The following RARB variants were observed in gnomAD, a reference collection of about 807,000 sequenced individuals.
RARB encodes HBV-activated protein.
In RARB, 17 loss-of-function variants were observed where a neutral mutation model predicts 51.9. The observed-to-expected ratio is 0.33, with a 90% CI of 0.22 to 0.49. The LOEUF (loss-of-function observed/expected upper bound fraction) is 0.49. RARB is among the 20% of genes least tolerant of loss of function. The pLI is 0.99. For synonymous variants in RARB, 215 were observed against 195.4 expected (o/e 1.10, Z -0.84); for missense variants, 369 against 550.8 (o/e 0.67, Z 3.30).
chr3:24,853,425 C>T (rs1367283454), intron 1 of RARB, among the ~76,000 whole-genome samples: 4 of 152,154 alleles, frequency 2.6e-5, no homozygotes, highest in South Asian at 2.1e-4. Flanking sequence ...ATACTTTTTA[C>T]GGCTATCTAA....
intron 2 of RARB, among the ~76,000 whole-genome samples, chr3:24,892,021 C>T (rs1390826212): frequency 6.6e-6 from 1 of 151,994 alleles, no homozygotes; most frequent in Admixed American, 6.5e-5. Context: ...GTCCCGTGCC[C>T]ACCCACAGCC....
At chr3:24,933,159 AC>A (rs1306705021) in intron 2 of RARB, among the ~76,000 whole-genome samples, 1 of 152,124 alleles carries the variant, frequency 6.6e-6, no homozygotes, top group Non-Finnish European at 1.5e-5. Flanking sequence ...TTTTAAAAAA[AC>A]AATAAAAATA....
Position 25,016,619 on chromosome 3 carries a change from C to G in RARB, c.-379-43506C>G, listed in dbSNP as rs1047845583. ...TGGATACAATCATCTTAGTACAAAA[C>G]TTAAGTGTGCCAGAAATATAACTTT... is the stretch of plus-strand genomic sequence containing the variant. On this transcript the variant is annotated intron_variant, in intron 2 of 11. Transcript: ENST00000383772. Among the ~76,000 whole-genome samples the G allele has an allele frequency of 4.6e-5, 7 of 152,270 alleles. No individual in the cohort carries two copies. In the East Asian group the frequency reaches 1.2e-3, roughly 25 times the overall value.
rs185721513 is a variant in RARB at position 25,552,486 on chromosome 3, G to A, written c.449-17272G>A. 3.5e-4 allele frequency among the ~76,000 whole-genome samples: 53 copies of A among 152,152 alleles called. 1 individual carries two copies. Among genetic ancestry groups the A allele is most frequent in the Admixed American group, 1.3e-3 (20 of 15,288 alleles). ...GGTAAGGGGCGGGGGGAACATTCTC[G>A]TGCCAGTGGCTTGTTAGGGCAACTT... On this transcript the variant is annotated intron_variant, in intron 3 of 7. Transcript: ENST00000330688.
chr3:25,365,881 A>G (rs1237344365), intron 5 of RARB, among the ~76,000 whole-genome samples: 1 of 152,218 alleles, frequency 6.6e-6, no homozygotes, highest in African/African-American at 2.4e-5. Context: ...CAGCAATCAC[A>G]TGGCAACATT....
chr3:24,952,617 C>T (rs573528825), intron 2 of RARB, among the ~76,000 whole-genome samples: 28 of 152,224 alleles, frequency 1.8e-4, no homozygotes, highest in South Asian at 4.1e-4. Flanking sequence ...TAGCTTGGTG[C>T]GTGGCACAGC....
chr3:25,195,383 A>T (rs931695982), intron 5 of RARB, among the ~76,000 whole-genome samples: 2 of 151,998 alleles, frequency 1.3e-5, no homozygotes, highest in African/African-American at 2.4e-5. Context: ...ATATTTGATG[A>T]CATTGGATTT....
chr3:24,839,778 A>T (rs1702396075), intron 1 of RARB, among the ~76,000 whole-genome samples: 1 of 151,592 alleles, frequency 6.6e-6, no homozygotes, highest in Non-Finnish European at 1.5e-5. Flanking sequence ...CCAGATTGTC[A>T]CAAAATTATA....
At chr3:25,489,532 A>G (rs187991501) in intron 2 of RARB, among the ~76,000 whole-genome samples, 25 of 152,356 alleles carry the variant, frequency 1.6e-4, no homozygotes, top group African/African-American at 6.0e-4. Context: ...ATACTCCATC[A>G]CAAAAAAAGA....
chr3:25,306,998 T>C (rs956182900), intron 5 of RARB, among the ~76,000 whole-genome samples: 1 of 152,162 alleles, frequency 6.6e-6, no homozygotes, highest in Non-Finnish European at 1.5e-5. Flanking sequence ...TCCTTCACAT[T>C]CTACTAGTGC....
intron 5 of RARB, among the ~76,000 whole-genome samples, chr3:25,202,230 T>C (rs1056561776): frequency 1.2e-4 from 18 of 152,220 alleles, no homozygotes; most frequent in African/African-American, 4.3e-4. Flanking sequence ...GTAGAGGTGT[T>C]TATAGTATTC....
chr3:25,068,133 C>CAAAAAAA (rs55826425), intron 3 of RARB, among the ~76,000 whole-genome samples: 8 of 33,264 alleles, frequency 2.4e-4, no homozygotes, highest in Admixed American at 6.2e-4. Context: ...GACTCCATCT[C>CAAAAAAA]AAAAAAAAAA....
At position 24,903,600 on chromosome 3, in the gene RARB, T is replaced by G. The variant is rs143695316; in HGVS notation, c.-380+44848T>G. Among the ~76,000 whole-genome samples the G allele has an allele frequency of 3.7e-3, 560 of 152,252 alleles. 3 individuals are homozygous for G. Among genetic ancestry groups the G allele is most frequent in the African/African-American group, 0.012 (518 of 41,562 alleles). On this transcript the variant is annotated intron_variant, in intron 2 of 11. Transcript: ENST00000383772. ...TGGTCCATCAAATGTGGTTTAGGAA[T>G]TACGCAAACAACACATTCAGACTTT...
intron 4 of RARB, among the ~76,000 whole-genome samples, chr3:25,157,533 A>T (rs1260421621): frequency 1.3e-5 from 2 of 150,820 alleles, no homozygotes; most frequent in Non-Finnish European, 3.0e-5. Context: ...GAGTAACAGG[A>T]CTACAGGCGT....
In RARB at chr3:25,164,269, T is replaced by C. The variant is rs536410524; in HGVS notation, c.-279-9850T>C. The stretch of plus-strand genomic sequence containing the variant: ...TGAGAATGGGTCCAAATATCACCCA[T>C]AGCCCACTGGATATTGAGCAGCAAG... On this transcript the variant is annotated intron_variant, in intron 4 of 11. Transcript: ENST00000383772. 3.3e-5 allele frequency among the ~76,000 whole-genome samples: 5 copies of C among 152,326 alleles called. No individual in the cohort carries two copies. In the South Asian group the frequency reaches 6.2e-4, roughly 19 times the overall value.
intron 5 of RARB, among the ~76,000 whole-genome samples, chr3:25,392,190 A>G (rs992007520): frequency 3.3e-5 from 5 of 152,012 alleles, no homozygotes; most frequent in Non-Finnish European, 7.4e-5. Context: ...TCAAAGATCA[A>G]TTGGCTGTAA....
chr3:25,220,872 T>C (rs1333982480), intron 5 of RARB, among the ~76,000 whole-genome samples: 2 of 152,220 alleles, frequency 1.3e-5, no homozygotes, highest in Non-Finnish European at 2.9e-5. Flanking sequence ...TAAGTGGAGA[T>C]GGTCTTTCAT....
At chr3:24,947,336 T>G (rs952993713) in intron 2 of RARB, among the ~76,000 whole-genome samples, 9 of 152,354 alleles carry the variant, frequency 5.9e-5, no homozygotes, top group African/African-American at 2.2e-4. Flanking sequence ...CGTGTTAATT[T>G]GTGTTACAGA....
intron 5 of RARB, among the ~76,000 whole-genome samples, chr3:25,274,211 C>T (rs566240146): frequency 5.3e-5 from 8 of 152,290 alleles, no homozygotes; most frequent in African/African-American, 1.9e-4. Flanking sequence ...AAACACGAAG[C>T]CTGCATAAAA....
Sources: gnomAD v4.1 joint callset for allele counts (sites outside exome capture counted in the v4.1 genomes callset) on GRCh38, gnomAD v4.1.1 for gene constraint, MANE v1.5 for transcripts, NCBI Gene and HGNC (gene_info 2026-07-23, HGNC 2026-07-21) for gene names.